The following LINGO2 variants were observed in gnomAD, a reference collection of about 807,000 sequenced individuals.
LINGO2 encodes the protein leucine-rich repeat and immunoglobulin-like domain-containing nogo receptor-interacting protein 2.
LINGO2 carries 14 observed loss-of-function variants against 30.6 expected under a neutral mutation model. The ratio of observed to expected loss-of-function variants is 0.46; its 90% CI spans 0.30 to 0.72. LINGO2 has a LOEUF of 0.72. LINGO2 is among the 30% of genes least tolerant of loss of function. The probability of loss-of-function intolerance (pLI) is 0.07; values close to 1 mark genes in which losing one functional copy is unlikely to be tolerated. For missense variants in LINGO2, 729 were observed against 751.7 expected (o/e 0.97, Z 0.35); for synonymous variants, 317 against 288.5 (o/e 1.10, Z -1.00).
intron 1 of LINGO2, among the ~76,000 whole-genome samples, chr9:28,515,338 C>G (rs773726040): frequency 2.0e-5 from 3 of 151,788 alleles, no homozygotes; most frequent in Non-Finnish European, 4.4e-5. Context: ...TCCTGAGTAG[C>G]TGGGACTACA....
At chr9:28,620,320 GTT>G (rs1200549734) in intron 1 of LINGO2, among the ~76,000 whole-genome samples, 3 of 152,048 alleles carry the variant, frequency 2.0e-5, no homozygotes, top group Admixed American at 1.3e-4. Flanking sequence ...TAAAGTAAGA[GTT>G]TGAACAATAG....
chr9:27,951,788 A>G (rs1335820926), intron 5 of LINGO2, among the ~76,000 whole-genome samples: 1 of 152,184 alleles, frequency 6.6e-6, no homozygotes, highest in Non-Finnish European at 1.5e-5. Flanking sequence ...TATTTCATAA[A>G]CTTCAACATT....
At chr9:28,759,821 A>C in the LINGO2 span, among the ~76,000 whole-genome samples, 20 of 152,088 alleles carry the variant, frequency 1.3e-4, no homozygotes, top group Non-Finnish European at 2.1e-4. Context: ...AGTGGAGAGC[A>C]ATATAGCTTC....
At chr9:28,578,889 G>C (rs75113461) in intron 1 of LINGO2, among the ~76,000 whole-genome samples, 1 of 152,092 alleles carries the variant, frequency 6.6e-6, no homozygotes, top group Non-Finnish European at 1.5e-5. Flanking sequence ...AGTAAAATAG[G>C]TTAAGCTTAG....
At chr9:28,422,443 A>T (rs1483233116) in intron 2 of LINGO2, among the ~76,000 whole-genome samples, 2 of 152,074 alleles carry the variant, frequency 1.3e-5, no homozygotes, top group African/African-American at 4.8e-5. Context: ...TCATTAGTGG[A>T]AAGACAAATC....
intron 5 of LINGO2, among the ~76,000 whole-genome samples, chr9:27,973,455 A>G (rs536204119): frequency 1.3e-3 from 197 of 152,306 alleles, no homozygotes; most frequent in African/African-American, 4.4e-3. Flanking sequence ...CAGAAACTCT[A>G]TTCTAAGGAA....
intron 3 of LINGO2, among the ~76,000 whole-genome samples, chr9:28,351,388 T>G (rs1193788842): frequency 2.0e-5 from 3 of 150,494 alleles, no homozygotes; most frequent in African/African-American, 7.4e-5. Context: ...GCAAATAAAC[T>G]AGAAAATCTA....
At chr9:28,444,709 C>A (rs1824352752) in intron 2 of LINGO2, among the ~76,000 whole-genome samples, 1 of 152,328 alleles carries the variant, frequency 6.6e-6, no homozygotes, top group East Asian at 1.9e-4. Context: ...TCTGGTCCAA[C>A]TGGAGCCTTG....
rs895461109 is a variant in LINGO2 at position 28,051,015 on chromosome 9, A to T, written c.-86-38610T>A. On this transcript the variant is annotated intron_variant, in intron 4 of 5. Transcript: ENST00000379992. Reference sequence around the variant, plus strand: ...TGAAATACAAGGATGGTTGAAACAAAGTTCTGTTTTTAGCTAACCTCTTTC... The same window carrying T: ...TGAAATACAAGGATGGTTGAAACAATGTTCTGTTTTTAGCTAACCTCTTTC... Among the ~76,000 whole-genome samples the T allele has an allele frequency of 1.3e-5, 2 of 150,968 alleles. 1 individual carries two copies. The highest frequency in any genetic ancestry group is 4.9e-5 in the African/African-American group (2 of 40,856).
the LINGO2 span, among the ~76,000 whole-genome samples, chr9:29,123,105 C>CACAGG: frequency 6.6e-6 from 1 of 151,996 alleles, no homozygotes; most frequent in Non-Finnish European, 1.5e-5. Flanking sequence ...TTCAATCCCA[C>CACAGG]ACAGGACAGA....
chr9:28,200,683 A>G (rs140488226), intron 4 of LINGO2, among the ~76,000 whole-genome samples: 18 of 152,308 alleles, frequency 1.2e-4, no homozygotes, highest in African/African-American at 3.8e-4. Context: ...TTTAATTGTA[A>G]TAGGGCTGTT....
At chr9:29,130,368 C>G in the LINGO2 span, among the ~76,000 whole-genome samples, 1 of 152,098 alleles carries the variant, frequency 6.6e-6, no homozygotes, top group Admixed American at 6.6e-5. Flanking sequence ...TCCCAAATAA[C>G]TCAAGGGGTT....
chr9:28,669,880 A>G lies in LINGO2; in HGVS notation c.-365+320T>C, dbSNP rs1828948010. On this transcript the variant is annotated intron_variant, in intron 1 of 5. Coordinates refer to ENST00000379992, the Ensembl canonical transcript of LINGO2. ...CAAATGTATATTAGAACATGCTAAA[A>G]TGGTGTTTTAATGGATAAAAATGAC... Among the ~76,000 whole-genome samples, 2 of 152,112 alleles carry G rather than the reference A, an allele frequency of 1.3e-5. 1 individual carries two copies. Among genetic ancestry groups the G allele is most frequent in the South Asian group, 4.1e-4 (2 of 4,832 alleles).
At chr9:29,105,958 G>T in the LINGO2 span, among the ~76,000 whole-genome samples, 1 of 152,146 alleles carries the variant, frequency 6.6e-6, no homozygotes. Context: ...ACCATCACAT[G>T]AGGACACATA....
intron 1 of LINGO2, among the ~76,000 whole-genome samples, chr9:28,480,273 T>C (rs542698275): frequency 2.1e-4 from 32 of 151,942 alleles, no homozygotes; most frequent in Non-Finnish European, 4.0e-4. Flanking sequence ...ACCCACCTTA[T>C]GATTTTCTTT....
chr9:28,243,656 A>G (rs755836076), intron 4 of LINGO2, among the ~76,000 whole-genome samples: 9 of 151,986 alleles, frequency 5.9e-5, no homozygotes, highest in African/African-American at 9.7e-5. Flanking sequence ...AACAAAAAAA[A>G]CGGGTTGGAT....
At chr9:28,787,755 C>G in the LINGO2 span, among the ~76,000 whole-genome samples, 1 of 152,088 alleles carries the variant, frequency 6.6e-6, no homozygotes, top group African/African-American at 2.4e-5. Context: ...CTCTTATTTA[C>G]TATGTAGCTA....
intron 1 of LINGO2, among the ~76,000 whole-genome samples, chr9:28,638,642 A>G (rs927110706): frequency 6.6e-6 from 1 of 152,050 alleles, no homozygotes; most frequent in African/African-American, 2.4e-5. Flanking sequence ...GGTAGTTTGT[A>G]TTTCTGTGGG....
At chr9:29,154,468 A>C in the LINGO2 span, among the ~76,000 whole-genome samples, 1 of 151,798 alleles carries the variant, frequency 6.6e-6, no homozygotes, top group African/African-American at 2.4e-5. Context: ...AAAAAAAAAA[A>C]AATCTCACAT....
Sources: gnomAD v4.1 joint callset for allele counts (sites outside exome capture counted in the v4.1 genomes callset) on GRCh38, gnomAD v4.1.1 for gene constraint, MANE v1.5 for transcripts, NCBI Gene and HGNC (gene_info 2026-07-23, HGNC 2026-07-21) for gene names.